The following CNTNAP2 variants were observed in gnomAD, a reference collection of about 807,000 sequenced individuals.
CNTNAP2 encodes the protein contactin associated protein 2.
Under a neutral mutation model 155.2 loss-of-function variants are expected in CNTNAP2, and 98 were observed. The ratio of observed to expected loss-of-function variants is 0.63; its 90% confidence interval spans 0.54 to 0.75. The LOEUF is 0.75. Among genes scored for constraint, CNTNAP2 ranks in the 30% least tolerant of loss-of-function variants. CNTNAP2 has a pLI of 0.00. For synonymous variants in CNTNAP2, 651 were observed against 631.2 expected (o/e 1.03, Z -0.47); for missense variants, 1,727 against 1,688.1 (o/e 1.02, Z -0.40).
chr7:147,982,654 A>T (rs1801550947), intron 15 of CNTNAP2, among the ~76,000 whole-genome samples: 1 of 152,226 alleles, frequency 6.6e-6, no homozygotes, highest in African/African-American at 2.4e-5. Context: ...CCAGACTAAT[A>T]GGAAGGCCAT....
intron 2 of CNTNAP2, among the ~76,000 whole-genome samples, chr7:146,831,238 T>C (rs966545442): frequency 7.2e-5 from 11 of 152,208 alleles, no homozygotes; most frequent in African/African-American, 2.4e-4. Flanking sequence ...TCACTGTTTT[T>C]AAAATTTATG....
chr7:148,183,410 A>T (rs1795069520), intron 18 of CNTNAP2, among the ~76,000 whole-genome samples: 1 of 151,886 alleles, frequency 6.6e-6, no homozygotes, highest in East Asian at 1.9e-4. Flanking sequence ...GTTTTAAAGC[A>T]TCTCAATTTT....
intron 21 of CNTNAP2, 42 bp from the exon 22 acceptor site, chr7:148,383,607 A>C: frequency 6.2e-7 from 1 of 1,614,170 alleles, no homozygotes; most frequent in Non-Finnish European, 8.5e-7. Flanking sequence ...CAGCTGGACT[A>C]TGGTGAGTCA....
intron 10 of CNTNAP2, among the ~76,000 whole-genome samples, chr7:147,479,495 A>G (rs1798383696): frequency 6.6e-6 from 1 of 152,222 alleles, no homozygotes; most frequent in African/African-American, 2.4e-5. Context: ...AGATGAATAG[A>G]CAGATGGTTT....
At chr7:147,557,302 T>C (rs963538553) in intron 11 of CNTNAP2, among the ~76,000 whole-genome samples, 13 of 152,134 alleles carry the variant, frequency 8.5e-5, no homozygotes, top group Non-Finnish European at 1.5e-5. Flanking sequence ...TGTCACTGTC[T>C]AAATTTTTGC....
At chr7:147,532,449 A>G (rs1300173680) in intron 11 of CNTNAP2, among the ~76,000 whole-genome samples, 2 of 152,164 alleles carry the variant, frequency 1.3e-5, no homozygotes, top group Admixed American at 1.3e-4. Context: ...CCATTCAACA[A>G]GTCTCTAGGA....
At chr7:146,393,552 CCTAT>C (rs1294430108) in intron 1 of CNTNAP2, among the ~76,000 whole-genome samples, 1 of 152,122 alleles carries the variant, frequency 6.6e-6, no homozygotes, top group Non-Finnish European at 1.5e-5. Context: ...CCTGAAACAG[CCTAT>C]CTAATTCCTT....
At chr7:147,066,072 G>C (rs931152774) in intron 4 of CNTNAP2, among the ~76,000 whole-genome samples, 3 of 152,032 alleles carry the variant, frequency 2.0e-5, no homozygotes, top group Non-Finnish European at 4.4e-5. Context: ...TTAATTCAGA[G>C]GTCTAAAAGC....
intron 13 of CNTNAP2, among the ~76,000 whole-genome samples, chr7:147,867,958 CA>C (rs56261214): frequency 9.2e-5 from 14 of 152,126 alleles, no homozygotes; most frequent in Non-Finnish European, 1.8e-4. Context: ...GTCAGCTTGT[CA>C]ATGTCATTCT....
chr7:146,534,297 G>A (rs142247172), intron 1 of CNTNAP2, among the ~76,000 whole-genome samples: 2 of 152,120 alleles, frequency 1.3e-5, no homozygotes, highest in East Asian at 3.9e-4. Flanking sequence ...ATTTTGAAAG[G>A]AAGTAAAATA....
At chr7:147,586,307 G>A (rs915528604) in intron 12 of CNTNAP2, among the ~76,000 whole-genome samples, 1 of 150,984 alleles carries the variant, frequency 6.6e-6, no homozygotes, top group African/African-American at 2.4e-5. Flanking sequence ...TAAGGTCTGT[G>A]TTGATGTTAA....
chr7:146,823,581 C>T, intron 2 of CNTNAP2, among the ~76,000 whole-genome samples: 1 of 146,736 alleles, frequency 6.8e-6, no homozygotes, highest in African/African-American at 2.5e-5. Context: ...ATATACCATT[C>T]TTCAGTATAT....
chr7:147,862,183 T>C (rs1167167130), intron 13 of CNTNAP2, among the ~76,000 whole-genome samples: 1 of 152,008 alleles, frequency 6.6e-6, no homozygotes, highest in Admixed American at 6.6e-5. Flanking sequence ...AAAAAGATAA[T>C]AGCCCGACAA....
At chr7:146,291,051 C>T (rs1229170201) in intron 1 of CNTNAP2, among the ~76,000 whole-genome samples, 1 of 152,186 alleles carries the variant, frequency 6.6e-6, no homozygotes, top group East Asian at 1.9e-4. Context: ...TGCTTTTCTC[C>T]ATTTCCTAGA....
At position 147,275,415 on chromosome 7, in the gene CNTNAP2, TTGTG is replaced by T. The variant is rs140379075; in HGVS notation, c.1349-24707_1349-24704del. On this transcript the variant is annotated intron_variant, in intron 8 of 23. Coordinates refer to ENST00000361727, the MANE Select transcript of CNTNAP2 (RefSeq NM_014141.6). Reference sequence around the variant, plus strand: ...TCCTAGATAGTGTGCTTGTGTATGTTTGTGTGTGTGTGTGTGTGTGTGGCTATTG... The same window carrying T: ...TCCTAGATAGTGTGCTTGTGTATGTTTGTGTGTGTGTGTGTGTGGCTATTG... 2.3e-3 allele frequency among the ~76,000 whole-genome samples: 341 copies of T among 148,618 alleles called. 1 individual carries two copies. The highest frequency in any genetic ancestry group is 0.017 in the Middle Eastern group (5 of 292).
chr7:148,415,639 A>T lies in CNTNAP2; in HGVS notation c.*23A>T. 1 of 1,614,016 alleles carries T rather than the reference A, an allele frequency of 6.2e-7. No homozygotes were observed. Among genetic ancestry groups the T allele is most frequent in the Non-Finnish European group, 8.5e-7 (1 of 1,179,914 alleles). ...TGAGGGGTGGCTACTTGGCTATGGGATAGGGAGGAGGGAATTACTAGGGAG... is the reference window on the plus strand; with the variant it reads ...TGAGGGGTGGCTACTTGGCTATGGGTTAGGGAGGAGGGAATTACTAGGGAG... On this transcript the variant is annotated 3_prime_UTR_variant, in exon 24 of 24. Coordinates refer to ENST00000361727, the MANE Select transcript of CNTNAP2 (RefSeq NM_014141.6).
At chr7:147,990,828 C>G (rs900233007) in intron 15 of CNTNAP2, among the ~76,000 whole-genome samples, 1 of 152,142 alleles carries the variant, frequency 6.6e-6, no homozygotes, top group Non-Finnish European at 1.5e-5. Flanking sequence ...TTATTGGGAT[C>G]TCATTCTGTA....
intron 8 of CNTNAP2, among the ~76,000 whole-genome samples, chr7:147,249,400 C>T (rs1184390044): frequency 2.0e-5 from 3 of 151,814 alleles, no homozygotes; most frequent in African/African-American, 7.3e-5. Flanking sequence ...ATTCTATTCC[C>T]CCGAAAGACA....
At chr7:146,899,615 T>C (rs1795951355) in intron 3 of CNTNAP2, among the ~76,000 whole-genome samples, 1 of 152,166 alleles carries the variant, frequency 6.6e-6, no homozygotes, top group Non-Finnish European at 1.5e-5. Flanking sequence ...TGCAGAATAG[T>C]CAGTAGTTGA....
Sources: allele counts gnomAD v4.1 joint callset (sites outside exome capture counted in the v4.1 genomes callset), GRCh38; gene constraint gnomAD v4.1.1; transcripts MANE v1.5; gene names NCBI Gene and HGNC (gene_info 2026-07-23, HGNC 2026-07-21).